The following GRIN2B variants were observed in gnomAD, a reference collection of about 807,000 sequenced individuals.
The protein encoded by GRIN2B is glutamate ionotropic receptor NMDA type subunit 2B, also known as glutamate receptor ionotropic, NMDA 2B.
In GRIN2B, 5 loss-of-function variants were observed where a neutral mutation model predicts 114.5. That is an observed-to-expected ratio of 0.04 (90% confidence interval 0.02 to 0.09). The LOEUF is 0.09. Ranked by LOEUF, GRIN2B falls within the 10% of genes least tolerant of loss-of-function variation. The pLI is 1.00. For missense variants in GRIN2B, 1,108 were observed against 1,943.5 expected (o/e 0.57, Z 8.08); for synonymous variants, 787 against 745.1 (o/e 1.06, Z -0.92).
At chr12:13,627,236 G>T (rs1238564761) in intron 5 of GRIN2B, among the ~76,000 whole-genome samples, 1 of 152,078 alleles carries the variant, frequency 6.6e-6, no homozygotes, top group East Asian at 1.9e-4. Context: ...TATTCTGGGG[G>T]CTCAACCACA....
rs1262253846 is a variant in GRIN2B, at chr12:13,558,963, A to ATGAT, written c.*3816_*3819dup. The ATGAT allele has an allele frequency of 3.9e-5, 6 of 152,334 alleles. No homozygotes were observed. The highest frequency in any genetic ancestry group is 2.1e-4 in the South Asian group (1 of 4,824). 9.4% of individuals were successfully genotyped at this position (152,334 alleles called of 1,614,324 possible). A position where few individuals can be genotyped will look rare whatever the true frequency, so the allele number is the denominator to read the frequency against. On this transcript the variant is annotated 3_prime_UTR_variant, in exon 14 of 14. Transcript: ENST00000609686. Reference sequence around the variant, plus strand: ...CCAACCACTTCTGCAATGGAAGGGAATGATAGAGGGTACAAAGCGAGAAAG... The same window carrying ATGAT: ...CCAACCACTTCTGCAATGGAAGGGAATGATTGATAGAGGGTACAAAGCGAGAAAG...
chr12:13,956,475 TTC>T (rs1235248121), intron 2 of GRIN2B, among the ~76,000 whole-genome samples: 2 of 152,318 alleles, frequency 1.3e-5, no homozygotes, highest in Non-Finnish European at 2.9e-5. Context: ...CAGTAACTCT[TTC>T]TCTCTGTCAC....
At chr12:13,907,625 A>T (rs1373039585) in intron 2 of GRIN2B, among the ~76,000 whole-genome samples, 1 of 152,172 alleles carries the variant, frequency 6.6e-6, no homozygotes, top group Non-Finnish European at 1.5e-5. Context: ...CATAACAGGG[A>T]ATGGTATTGA....
intron 10 of GRIN2B, among the ~76,000 whole-genome samples, chr12:13,576,995 G>C (rs207472660): frequency 6.6e-6 from 1 of 152,204 alleles, no homozygotes; most frequent in Non-Finnish European, 1.5e-5. Context: ...TTTCATAGAT[G>C]AGGAAACCGA....
chr12:13,854,873 GC>G (rs1469995355), intron 3 of GRIN2B, among the ~76,000 whole-genome samples: 1 of 151,878 alleles, frequency 6.6e-6, no homozygotes, highest in Non-Finnish European at 1.5e-5. Context: ...CATTTTCAAG[GC>G]CTTTTCTAGG....
At chr12:13,916,037 C>A (rs1866712914) in intron 2 of GRIN2B, among the ~76,000 whole-genome samples, 2 of 152,046 alleles carry the variant, frequency 1.3e-5, no homozygotes, top group Non-Finnish European at 2.9e-5. Flanking sequence ...GGTCCTCCTG[C>A]AGTGGGATAA....
At chr12:13,677,412 T>C (rs1484552330) in intron 4 of GRIN2B, among the ~76,000 whole-genome samples, 2 of 152,172 alleles carry the variant, frequency 1.3e-5, no homozygotes, top group African/African-American at 2.4e-5. Context: ...GCAGCATGAA[T>C]CAAACCCTCA....
intron 3 of GRIN2B, among the ~76,000 whole-genome samples, chr12:13,843,484 A>G (rs1865421422): frequency 6.6e-6 from 1 of 152,174 alleles, no homozygotes; most frequent in Non-Finnish European, 1.5e-5. Context: ...GATTAAATAT[A>G]CCTTTTTTTC....
intron 2 of GRIN2B, among the ~76,000 whole-genome samples, chr12:13,954,344 C>T (rs1220376572): frequency 1.3e-5 from 2 of 152,138 alleles, no homozygotes; most frequent in Admixed American, 6.5e-5. Flanking sequence ...ACAACTGGCC[C>T]CTGACATTTC....
Position 13,965,915 on chromosome 12 carries a change from C to T in GRIN2B, c.-19+14013G>A, listed in dbSNP as rs1363608919. On this transcript the variant is annotated intron_variant, in intron 2 of 13. Coordinates refer to ENST00000609686, the MANE Select transcript of GRIN2B (RefSeq NM_000834.5). ...GATGCCTACCTTCCCACTGAAGTGG[C>T]TTTCTTTTTAGAATAAGACCTTTGT... Among the ~76,000 whole-genome samples, 3 of 152,290 alleles carry T rather than the reference C, an allele frequency of 2.0e-5. No homozygotes were observed. The East Asian group carries it at 5.8e-4, about 29-fold the overall frequency.
At chr12:13,919,432 C>A (rs1866787370) in intron 2 of GRIN2B, among the ~76,000 whole-genome samples, 1 of 152,216 alleles carries the variant, frequency 6.6e-6, no homozygotes, top group Admixed American at 6.5e-5. Flanking sequence ...AAAATTCAAA[C>A]TCTTTTCTAA....
rs1159489272 is a variant in GRIN2B at position 13,540,916 on chromosome 12, T to C, written c.*21867A>G. The C allele has an allele frequency of 6.6e-6, 1 of 152,228 alleles. No homozygotes were observed. Among genetic ancestry groups the C allele is most frequent in the Non-Finnish European group, 1.5e-5 (1 of 68,052 alleles). 9.4% of individuals were successfully genotyped at this position (152,228 alleles called of 1,614,324 possible). On this transcript the variant is annotated 3_prime_UTR_variant, in exon 14 of 14. Coordinates refer to ENST00000609686, the MANE Select transcript of GRIN2B (RefSeq NM_000834.5). ...ACAGGAAAGCTATGACCATTTCCCC[T>C]CTGCCATGTGACTTTGGGAGGGGTG...
chr12:13,760,353 G>T (rs1476687347), intron 3 of GRIN2B, among the ~76,000 whole-genome samples: 1 of 152,166 alleles, frequency 6.6e-6, no homozygotes, highest in Non-Finnish European at 1.5e-5. Flanking sequence ...GGTCATGGAT[G>T]CTGCAACCAG....
intron 5 of GRIN2B, among the ~76,000 whole-genome samples, chr12:13,642,137 G>A (rs1160257075): frequency 2.0e-5 from 3 of 151,966 alleles, no homozygotes; most frequent in Non-Finnish European, 4.4e-5. Flanking sequence ...GCAGTGAGCC[G>A]AGATCACGCC....
chr12:13,929,872 A>G (rs1280996513), intron 2 of GRIN2B, among the ~76,000 whole-genome samples: 3 of 152,204 alleles, frequency 2.0e-5, no homozygotes, highest in African/African-American at 7.2e-5. Flanking sequence ...AAAGCACTCC[A>G]AACACCACAA....
rs1197717686 is a variant in GRIN2B, at chr12:13,564,274, G to A, written c.2964C>T (p.His988=). 2 of 1,614,122 alleles carry A rather than the reference G, an allele frequency of 1.2e-6. No homozygotes were observed. The highest frequency in any genetic ancestry group is 2.7e-5 in the African/African-American group (2 of 74,936). ...CACTGCCAATACTATGGGGCCGGTG[G>A]TGATGGTGGTAGTGATCTTGGTACA... ...SNVYQDHYHH[H]HRPHSIGSAS... The change falls in exon 14 of 14, where the codon CAC becomes CAT. Residue 988 remains histidine, a synonymous_variant. Transcript: ENST00000609686. This position sits in a 1 kb window ranked among gnomAD's most constrained non-coding sequence, Gnocchi z 4.8.
intron 3 of GRIN2B, among the ~76,000 whole-genome samples, chr12:13,792,058 T>G (rs1864331070): frequency 6.6e-6 from 1 of 152,228 alleles, no homozygotes; most frequent in Admixed American, 6.5e-5. Flanking sequence ...ACACGCCATA[T>G]TCGTCTTTCT....
intron 2 of GRIN2B, among the ~76,000 whole-genome samples, chr12:13,895,910 TAA>T (rs1249050033): frequency 2.0e-5 from 3 of 152,188 alleles, no homozygotes; most frequent in Non-Finnish European, 4.4e-5. Flanking sequence ...TGGCAGAGGT[TAA>T]GTCATGACTT....
At chr12:13,635,176 T>TTTTCCA (rs1190590434) in intron 5 of GRIN2B, among the ~76,000 whole-genome samples, 10 of 152,204 alleles carry the variant, frequency 6.6e-5, no homozygotes, top group Non-Finnish European at 1.3e-4. Context: ...TTCTGGGGTC[T>TTTTCCA]GATGGAATAT....
Sources: allele counts gnomAD v4.1 joint callset (sites outside exome capture counted in the v4.1 genomes callset), GRCh38; gene constraint gnomAD v4.1.1; non-coding constraint Gnocchi (gnomAD v3.1); transcripts MANE v1.5; gene names NCBI Gene and HGNC (gene_info 2026-07-23, HGNC 2026-07-21).